Variants in LINGO2 observed in about 807,000 individuals in gnomAD.
LINGO2 encodes the protein leucine-rich repeat and immunoglobulin-like domain-containing nogo receptor-interacting protein 2.
Under a neutral mutation model 30.6 loss-of-function variants are expected in LINGO2, and 14 were observed. That is an observed-to-expected ratio of 0.46 (90% CI 0.30 to 0.72). The LOEUF (loss-of-function observed/expected upper bound fraction) is 0.72. Among genes scored for constraint, LINGO2 ranks in the 30% least tolerant of loss-of-function variants. LINGO2 has a pLI of 0.07. For missense variants in LINGO2, 729 were observed against 751.7 expected, an observed-to-expected ratio of 0.97 and a Z score of 0.35; for synonymous variants, 317 against 288.5, an observed-to-expected ratio of 1.10 and a Z score of -1.00.
chr9:28,232,292 G>A (rs7869901), intron 4 of LINGO2, among the ~76,000 whole-genome samples: 39,137 of 151,454 alleles, frequency 0.26, 5,395 homozygotes, highest in Admixed American at 0.3. Flanking sequence ...TCAGCTACTC[G>A]AGAAGCTGAG....
At chr9:28,371,661 C>T (rs974041785) in intron 3 of LINGO2, among the ~76,000 whole-genome samples, 11 of 152,264 alleles carry the variant, frequency 7.2e-5, no homozygotes, top group Admixed American at 6.5e-4. Flanking sequence ...TACCTTTATC[C>T]AAGGGTGCTC....
chr9:27,974,864 C>G (rs1389157561), intron 5 of LINGO2, among the ~76,000 whole-genome samples: 1 of 152,086 alleles, frequency 6.6e-6, no homozygotes, highest in Non-Finnish European at 1.5e-5. Context: ...CGAGGAATTC[C>G]AAGCCTATTT....
intron 4 of LINGO2, among the ~76,000 whole-genome samples, chr9:28,290,118 C>A (rs1823665528): frequency 6.6e-6 from 1 of 152,040 alleles, no homozygotes; most frequent in African/African-American, 2.4e-5. Context: ...GTGAGGGAAC[C>A]AAAGCTGAGA....
At chr9:27,939,994 G>C in the LINGO2 span, 1 of 152,154 alleles carries the variant, frequency 6.6e-6, no homozygotes, top group African/African-American at 2.4e-5. Flanking sequence ...CTCTCTAGCA[G>C]TCTGTTCTTT....
At chr9:28,950,767 C>T in the LINGO2 span, among the ~76,000 whole-genome samples, 355 of 152,200 alleles carry the variant, frequency 2.3e-3, no homozygotes, top group African/African-American at 8.1e-3. Context: ...AATAGAAAAA[C>T]CTTCCATGCT....
the LINGO2 span, among the ~76,000 whole-genome samples, chr9:28,792,491 G>A: frequency 6.6e-6 from 1 of 152,134 alleles, no homozygotes; most frequent in South Asian, 2.1e-4. Context: ...GCTACAGTCT[G>A]TTGTATGCAT....
At chr9:28,457,616 G>C (rs577737633) in intron 2 of LINGO2, among the ~76,000 whole-genome samples, 2 of 152,070 alleles carry the variant, frequency 1.3e-5, no homozygotes, top group South Asian at 2.1e-4. Flanking sequence ...AAAACCCTAA[G>C]AGATGGGGTC....
rs118133738 is a variant in LINGO2, at chr9:28,596,230, A to G, written c.-365+73970T>C. Among the ~76,000 whole-genome samples, 12 of 152,304 alleles carry G rather than the reference A, an allele frequency of 7.9e-5. No individual in the cohort carries two copies. In the East Asian group the frequency reaches 2.3e-3, roughly 29 times the overall value. On this transcript the variant is annotated intron_variant, in intron 1 of 5. Transcript: ENST00000379992. Reference sequence around the variant, plus strand: ...GAGGTGCATATTAAAATACTGAGGTAGAGTTTCTGCACAGTAGAAGAGGAT... The same window carrying G: ...GAGGTGCATATTAAAATACTGAGGTGGAGTTTCTGCACAGTAGAAGAGGAT...
chr9:28,104,915 CA>C (rs1350532884), intron 4 of LINGO2, among the ~76,000 whole-genome samples: 1 of 152,054 alleles, frequency 6.6e-6, no homozygotes, highest in Non-Finnish European at 1.5e-5. Flanking sequence ...CACACACACA[CA>C]AATGAATGTG....
chr9:28,107,875 C>T (rs1826644628), intron 4 of LINGO2, among the ~76,000 whole-genome samples: 1 of 152,118 alleles, frequency 6.6e-6, no homozygotes, highest in South Asian at 2.1e-4. Flanking sequence ...AAATTCATAG[C>T]TACTGCAACC....
At chr9:27,979,143 A>T (rs866073969) in intron 5 of LINGO2, among the ~76,000 whole-genome samples, 1 of 151,994 alleles carries the variant, frequency 6.6e-6, no homozygotes, top group East Asian at 1.9e-4. Context: ...AACAGTCATC[A>T]GTGGGAATGG....
the LINGO2 span, among the ~76,000 whole-genome samples, chr9:28,731,280 C>T: frequency 7.1e-3 from 1,075 of 152,144 alleles, 15 homozygotes; most frequent in African/African-American, 0.025. Flanking sequence ...TGAGCCACTG[C>T]GCCCAGCCTA....
rs1167919927 is a variant in LINGO2 at position 28,612,121 on chromosome 9, G to C, written c.-365+58079C>G. Among the ~76,000 whole-genome samples, 5 of 152,092 alleles carry C rather than the reference G, an allele frequency of 3.3e-5. No individual in the cohort carries two copies. The East Asian group carries it at 7.7e-4, about 24-fold the overall frequency. ...CTATTGCCTGTGAAAAAGTGCAATG[G>C]GGCAATCATAGCTCACTGTAGCTTC... On this transcript the variant is annotated intron_variant, in intron 1 of 5. Coordinates refer to ENST00000379992, the Ensembl canonical transcript of LINGO2.
At chr9:28,934,234 TC>T in the LINGO2 span, among the ~76,000 whole-genome samples, 1 of 152,226 alleles carries the variant, frequency 6.6e-6, no homozygotes, top group African/African-American at 2.4e-5. Flanking sequence ...TTTATGCTGA[TC>T]AACATGGCTA....
chr9:28,469,561 A>G (rs1309222571), intron 2 of LINGO2, among the ~76,000 whole-genome samples: 1 of 152,140 alleles, frequency 6.6e-6, no homozygotes, highest in Non-Finnish European at 1.5e-5. Flanking sequence ...GAATATTGAA[A>G]GCGGCAAGAG....
At chr9:28,040,065 C>T (rs183042952) in intron 4 of LINGO2, among the ~76,000 whole-genome samples, 58 of 152,328 alleles carry the variant, frequency 3.8e-4, no homozygotes, top group South Asian at 2.7e-3. Context: ...GAGACTTTTT[C>T]AAAACCATTT....
At chr9:28,510,934 A>C (rs1214237826) in intron 1 of LINGO2, among the ~76,000 whole-genome samples, 2 of 152,100 alleles carry the variant, frequency 1.3e-5, no homozygotes, top group African/African-American at 2.4e-5. Context: ...GGAAGCATCG[A>C]GTGCGGGAGA....
chr9:28,407,696 A>G (rs1365813741), intron 2 of LINGO2, among the ~76,000 whole-genome samples: 3 of 152,154 alleles, frequency 2.0e-5, no homozygotes, highest in Admixed American at 6.6e-5. Context: ...AGCGGGGAGA[A>G]GGAGAGAATG....
At chr9:29,028,490 A>G in the LINGO2 span, among the ~76,000 whole-genome samples, 1 of 151,742 alleles carries the variant, frequency 6.6e-6, no homozygotes, top group African/African-American at 2.4e-5. Flanking sequence ...GATTACAAAT[A>G]TATCTCTAGT....
Sources: allele counts gnomAD v4.1 joint callset (sites outside exome capture counted in the v4.1 genomes callset), GRCh38; gene constraint gnomAD v4.1.1; transcripts MANE v1.5; gene names NCBI Gene and HGNC (gene_info 2026-07-23, HGNC 2026-07-21).